The following CHST9 variants were observed in gnomAD, a reference collection of about 807,000 sequenced individuals.
CHST9 encodes carbohydrate sulfotransferase 9, also known as GalNAc-4-sulfotransferase 2.
Under a neutral mutation model 44.4 loss-of-function variants are expected in CHST9, and 41 were observed. That is an observed-to-expected ratio of 0.92 (90% CI 0.72 to 1.20). CHST9 has a LOEUF of 1.20. CHST9 is among the 50% of genes most tolerant of loss of function. The pLI, the probability that CHST9 is intolerant of heterozygous loss-of-function variation, is 0.00. For missense variants in CHST9, 504 were observed against 516.5 expected (o/e 0.98, Z 0.23); for synonymous variants, 171 against 178.4 (o/e 0.96, Z 0.33).
At chr18:26,929,503 C>T (rs1632737) in intron 5 of CHST9, among the ~76,000 whole-genome samples, 9 of 152,220 alleles carry the variant, frequency 5.9e-5, no homozygotes, top group Admixed American at 2.0e-4. Flanking sequence ...GGCATATCAT[C>T]TATAACGCTG....
chr18:27,152,871 T>C (rs2143902302), intron 1 of CHST9, among the ~76,000 whole-genome samples: 1 of 152,210 alleles, frequency 6.6e-6, no homozygotes, highest in South Asian at 2.1e-4. Flanking sequence ...GAGGGATGTG[T>C]CTGATGAGCT....
intron 4 of CHST9, among the ~76,000 whole-genome samples, chr18:27,018,917 C>G (rs1208884983): frequency 6.6e-6 from 1 of 152,186 alleles, no homozygotes; most frequent in African/African-American, 2.4e-5. Context: ...ACCTTCGTGA[C>G]AACCACACCC....
In CHST9 at chr18:26,913,957, A is replaced by G. The variant is rs1568086818; in HGVS notation, c.*2302T>C. 6.6e-6 allele frequency: 1 copy of G among 152,344 alleles called. No individual in the cohort carries two copies. Among genetic ancestry groups the G allele is most frequent in the East Asian group, 1.9e-4 (1 of 5,184 alleles). The allele number at this position is 152,344 out of a possible 1,614,324, so 9.4% of individuals were successfully genotyped here. On this transcript the variant is annotated 3_prime_UTR_variant, in exon 6 of 6. Transcript: ENST00000618847. ...AAGTTTGTTCTTACTTGGCAAAGAC[A>G]TGCATGGCTTTTGGAACTTGCAACT...
chr18:27,041,381 A>G (rs1344635008), intron 3 of CHST9, among the ~76,000 whole-genome samples: 1 of 152,174 alleles, frequency 6.6e-6, no homozygotes, highest in Non-Finnish European at 1.5e-5. Context: ...AGAAACACAT[A>G]CATGTTGTTT....
In CHST9 at chr18:27,028,399, C is replaced by T. The variant is rs2057305483; in HGVS notation, c.161-4242G>A. Among the ~76,000 whole-genome samples the T allele has an allele frequency of 3.9e-5, 6 of 152,302 alleles. No individual in the cohort carries two copies. In the South Asian group the frequency reaches 1.2e-3, roughly 32 times the overall value. ...ACAAACACCACTGACGCTTGGTCCACATACATCTCCACAGGAGGGATCAGG... is the reference window on the plus strand; with the variant it reads ...ACAAACACCACTGACGCTTGGTCCATATACATCTCCACAGGAGGGATCAGG... On this transcript the variant is annotated intron_variant, in intron 3 of 5. Coordinates refer to ENST00000618847, the MANE Select transcript of CHST9 (RefSeq NM_031422.6).
At chr18:26,996,010 C>G (rs2056884024) in intron 4 of CHST9, among the ~76,000 whole-genome samples, 1 of 152,178 alleles carries the variant, frequency 6.6e-6, no homozygotes, top group Admixed American at 6.5e-5. Context: ...AAATGCCCGT[C>G]TGGATGATAG....
intron 5 of CHST9, chr18:26,935,311 G>C (rs931211769): frequency 6.6e-6 from 1 of 152,152 alleles, no homozygotes; most frequent in Middle Eastern, 3.2e-3. Context: ...ATTTCTAAGA[G>C]TCATTTAGTC....
Position 27,108,481 on chromosome 18 carries a change from G to A in CHST9, c.121+34208C>T, listed in dbSNP as rs181457590. Among the ~76,000 whole-genome samples the A allele has an allele frequency of 6.8e-4, 103 of 152,106 alleles. 1 individual carries two copies. Among genetic ancestry groups the A allele is most frequent in the Middle Eastern group, 3.4e-3 (1 of 294 alleles). On this transcript the variant is annotated intron_variant, in intron 2 of 5. Transcript: ENST00000618847. ...GATAGAGCTTTACCTGATAAAAACA[G>A]GTAATTTCTTTAAAAGACGGGATTT...
intron 4 of CHST9, among the ~76,000 whole-genome samples, chr18:27,020,377 T>C (rs922508840): frequency 6.6e-6 from 1 of 152,176 alleles, no homozygotes; most frequent in African/African-American, 2.4e-5. Context: ...TGGAAGTGAA[T>C]TTCACGTGAT....
At chr18:27,168,296 G>T (rs1250750697) in intron 1 of CHST9, among the ~76,000 whole-genome samples, 1 of 152,058 alleles carries the variant, frequency 6.6e-6, no homozygotes, top group Non-Finnish European at 1.5e-5. Flanking sequence ...GGATGGTCTC[G>T]ATCCCCTGAC....
chr18:27,040,285 T>C (rs1377999639), intron 3 of CHST9, among the ~76,000 whole-genome samples: 1 of 151,140 alleles, frequency 6.6e-6, no homozygotes, highest in Non-Finnish European at 1.5e-5. Context: ...ATGGGGATCA[T>C]CCCACCCTTT....
In CHST9 at chr18:26,911,867, T is replaced by A. The variant is rs1405977412; in HGVS notation, c.*4392A>T. The A allele has an allele frequency of 2.3e-4, 1 of 4,370 alleles. No individual in the cohort carries two copies. The highest frequency in any genetic ancestry group is 1.7e-3 in the African/African-American group (1 of 576). The allele number at this position is 4,370 out of a possible 1,614,324, so 0.3% of individuals were successfully genotyped here. ...TTATTTTCACCTGGTTTCATGGTGT[T>A]TTTTCAGTCGGTTTAAGTCAGCTTG... On this transcript the variant is annotated 3_prime_UTR_variant, in exon 6 of 6. Coordinates refer to ENST00000618847, the MANE Select transcript of CHST9 (RefSeq NM_031422.6).
intron 1 of CHST9, among the ~76,000 whole-genome samples, chr18:27,148,243 ATT>A (rs2058630484): frequency 6.7e-6 from 1 of 148,892 alleles, no homozygotes; most frequent in East Asian, 2.0e-4. Context: ...GACGTACCAC[ATT>A]TTCTTTTTTT....
chr18:27,064,455 T>C (rs1477680221), intron 2 of CHST9, among the ~76,000 whole-genome samples: 1 of 152,156 alleles, frequency 6.6e-6, no homozygotes, highest in East Asian at 1.9e-4. Context: ...AAAGTACTAT[T>C]TGAGCTATAA....
intron 2 of CHST9, among the ~76,000 whole-genome samples, chr18:27,132,792 T>TTAAGAA (rs2058482903): frequency 6.6e-6 from 1 of 152,140 alleles, no homozygotes; most frequent in South Asian, 2.1e-4. Flanking sequence ...AGAGTAGGAA[T>TTAAGAA]AGTGTTAGGT....
chr18:27,071,325 G>T (rs1190840179), intron 2 of CHST9, among the ~76,000 whole-genome samples: 4 of 152,104 alleles, frequency 2.6e-5, no homozygotes, highest in African/African-American at 9.7e-5. Flanking sequence ...TTGTTATAAA[G>T]GTTTCCTTGG....
At chr18:27,161,916 G>C (rs1471920096) in intron 1 of CHST9, among the ~76,000 whole-genome samples, 1 of 151,866 alleles carries the variant, frequency 6.6e-6, no homozygotes, top group Middle Eastern at 3.4e-3. Flanking sequence ...TTTTATCAGA[G>C]ACTAGGATTG....
intron 4 of CHST9, among the ~76,000 whole-genome samples, chr18:26,957,467 T>C (rs910879818): frequency 6.6e-6 from 1 of 151,976 alleles, no homozygotes; most frequent in Non-Finnish European, 1.5e-5. Flanking sequence ...TATCCCCTAC[T>C]GAGAGCTATT....
At chr18:26,962,161 T>G (rs1434726640) in intron 4 of CHST9, among the ~76,000 whole-genome samples, 1 of 152,138 alleles carries the variant, frequency 6.6e-6, no homozygotes, top group Non-Finnish European at 1.5e-5. Context: ...CCTTTCTAGT[T>G]CCCATAACTG....
Sources: gnomAD v4.1 joint callset for allele counts (sites outside exome capture counted in the v4.1 genomes callset) on GRCh38, gnomAD v4.1.1 for gene constraint, MANE v1.5 for transcripts, NCBI Gene and HGNC (gene_info 2026-07-23, HGNC 2026-07-21) for gene names.